The following ERG variants were observed in gnomAD, a reference collection of about 807,000 sequenced individuals.
ERG encodes the protein transcriptional regulator ERG.
A neutral mutation model predicts 55.3 loss-of-function variants in ERG; 9 were observed. That is an observed-to-expected ratio of 0.16 (90% confidence interval 0.10 to 0.28). ERG has a LOEUF of 0.28. ERG is among the 10% of genes least tolerant of loss of function. The probability of loss-of-function intolerance (pLI) is 1.00; values close to 1 mark genes in which losing one functional copy is unlikely to be tolerated. For missense variants in ERG, 434 were observed against 631.6 expected (o/e 0.69, Z 3.35); for synonymous variants, 223 against 237.3 (o/e 0.94, Z 0.55).
chr21:38,445,309 C>T, intron 2 of ERG, 95 bp downstream of exon 2: 1 of 979,126 alleles, frequency 1.0e-6, no homozygotes, highest in South Asian at 1.5e-5. Context: ...CTTTCTAAGT[C>T]AATCTTTAGA....
At position 38,381,360 on chromosome 21, in the gene ERG, T is replaced by G; in HGVS notation, c.*2043A>C. On this transcript the variant is annotated 3_prime_UTR_variant, in exon 10 of 10. Transcript: ENST00000288319. ...GGACCAAGGTTGGCAGCATTTGTGA[T>G]TCAAAGAAAAGATGCCCAGGGAAAC... The G allele has an allele frequency of 9.4e-7, 1 of 1,063,820 alleles. No individual in the cohort carries two copies. Among genetic ancestry groups the G allele is most frequent in the South Asian group, 4.6e-5 (1 of 21,966 alleles). 65.9% of individuals were successfully genotyped at this position (1,063,820 alleles called of 1,614,324 possible).
At chr21:38,590,903 C>T (rs1285268436) in intron 1 of ERG, among the ~76,000 whole-genome samples, 2 of 152,228 alleles carry the variant, frequency 1.3e-5, no homozygotes, top group Admixed American at 6.5e-5. Context: ...TTGAGCATGA[C>T]AATCAGCTGG....
intron 1 of ERG, among the ~76,000 whole-genome samples, chr21:38,611,778 G>A (rs1177055185): frequency 1.3e-5 from 2 of 152,086 alleles, no homozygotes; most frequent in Non-Finnish European, 1.5e-5. Context: ...TTGGCTCCCC[G>A]CTGCATCCTC....
At chr21:38,496,494 T>G (rs2059380658) in intron 1 of ERG, among the ~76,000 whole-genome samples, 1 of 152,130 alleles carries the variant, frequency 6.6e-6, no homozygotes, top group Admixed American at 6.5e-5. Flanking sequence ...ACCCAGGAAA[T>G]CTAACAGAAA....
intron 1 of ERG, among the ~76,000 whole-genome samples, chr21:38,650,176 G>A (rs906771389): frequency 2.0e-5 from 3 of 152,216 alleles, no homozygotes; most frequent in East Asian, 1.9e-4. Flanking sequence ...ATGCACTAGC[G>A]ATAATGAAAA....
intron 1 of ERG, among the ~76,000 whole-genome samples, chr21:38,647,946 T>C (rs2060466594): frequency 1.3e-5 from 2 of 152,234 alleles, no homozygotes; most frequent in African/African-American, 4.8e-5. Flanking sequence ...ATTATGTTTA[T>C]TTAAAACAGC....
intron 1 of ERG, among the ~76,000 whole-genome samples, chr21:38,478,630 T>C (rs980055605): frequency 1.3e-5 from 2 of 152,222 alleles, no homozygotes; most frequent in Non-Finnish European, 2.9e-5. Context: ...AGAGCCCTCA[T>C]GGTCAGTGAT....
intron 1 of ERG, among the ~76,000 whole-genome samples, chr21:38,590,957 T>G (rs946436068): frequency 3.3e-5 from 5 of 152,222 alleles, no homozygotes; most frequent in Non-Finnish European, 7.3e-5. Flanking sequence ...TCCTCTTTTT[T>G]CTTTATTGGA....
intron 1 of ERG, among the ~76,000 whole-genome samples, chr21:38,611,242 T>A (rs2060225272): frequency 6.6e-6 from 1 of 152,200 alleles, no homozygotes; most frequent in Non-Finnish European, 1.5e-5. Flanking sequence ...TAGCTTCCCA[T>A]GTTCCCTGCT....
chr21:38,545,239 A>T (rs2836501), intron 2 of ERG, among the ~76,000 whole-genome samples: 76,824 of 151,962 alleles, frequency 0.51, 20,710 homozygotes, highest in Non-Finnish European at 0.62. Context: ...TGTTTTCTAT[A>T]TACTTTTTTA....
At position 38,418,950 on chromosome 21, in the gene ERG, AGAAAG is replaced by A. The variant is rs1483064288; in HGVS notation, c.388+4455_388+4459del. ...CTCAAAAAAAAAAAAAAAAAAAAAAAGAAAGAAAGAAAAAGAAAAACACTTTCTAG... is the reference window on the plus strand; with the variant it reads ...CTCAAAAAAAAAAAAAAAAAAAAAAAAAAGAAAAAGAAAAACACTTTCTAG... On this transcript the variant is annotated intron_variant, in intron 3 of 9. Transcript: ENST00000288319. Among the ~76,000 whole-genome samples, 984 of 132,148 alleles carry A rather than the reference AGAAAG, an allele frequency of 7.4e-3. 4 individuals carry two copies. Among genetic ancestry groups the A allele is most frequent in the Non-Finnish European group, 0.012 (735 of 62,118 alleles). The allele number at this position is 132,148 out of a possible 152,430, so 86.7% of individuals were successfully genotyped here. A position where few individuals can be genotyped will look rare whatever the true frequency, so the allele number is the denominator to read the frequency against.
At chr21:38,510,360 C>T (rs1293092141) in intron 2 of ERG, among the ~76,000 whole-genome samples, 3 of 152,172 alleles carry the variant, frequency 2.0e-5, no homozygotes, top group African/African-American at 4.8e-5. Flanking sequence ...AGCATTAATG[C>T]GTCTCACACG....
At position 38,560,204 on chromosome 21, in the gene ERG, A is replaced by G. The variant is rs539619118; in HGVS notation, c.-41+15458T>C. On this transcript the variant is annotated intron_variant, in intron 2 of 8. Transcript: ENST00000398897. ...AACAAAAAAGGACAAGGAGGGTGACAATGTCAAGCAAATGATAACCCTGCT... is the reference window on the plus strand; with the variant it reads ...AACAAAAAAGGACAAGGAGGGTGACGATGTCAAGCAAATGATAACCCTGCT... 5.9e-5 allele frequency among the ~76,000 whole-genome samples: 9 copies of G among 152,352 alleles called. No individual in the cohort carries two copies. In the East Asian group the frequency reaches 1.7e-3, roughly 29 times the overall value.
intron 3 of ERG, among the ~76,000 whole-genome samples, chr21:38,417,851 G>T (rs1423050560): frequency 6.6e-6 from 1 of 152,022 alleles, no homozygotes; most frequent in Admixed American, 6.6e-5. Flanking sequence ...CTTTCAAAAT[G>T]CTATAAGCTG....
chr21:38,562,693 C>T (rs1024224350), intron 2 of ERG, among the ~76,000 whole-genome samples: 1 of 152,178 alleles, frequency 6.6e-6, no homozygotes, highest in African/African-American at 2.4e-5. Flanking sequence ...AGGAGCAACA[C>T]AGTTTCTAGC....
intron 2 of ERG, among the ~76,000 whole-genome samples, chr21:38,445,099 C>T (rs188816894): frequency 6.6e-4 from 100 of 151,920 alleles, no homozygotes; most frequent in African/African-American, 2.3e-3. Flanking sequence ...CGCTGTCCAA[C>T]GTCACCGTTC....
At chr21:38,520,347 T>C (rs545401251) in intron 2 of ERG, among the ~76,000 whole-genome samples, 1 of 152,188 alleles carries the variant, frequency 6.6e-6, no homozygotes, top group African/African-American at 2.4e-5. Context: ...TCCAGAGAAG[T>C]AGCCCTCTAG....
intron 3 of ERG, among the ~76,000 whole-genome samples, chr21:38,407,215 T>C (rs1372042710): frequency 6.6e-6 from 1 of 152,210 alleles, no homozygotes; most frequent in Non-Finnish European, 1.5e-5. Context: ...TAGTGTTGTT[T>C]ATAATAGCAA....
chr21:38,469,453 G>A (rs1396068294), intron 1 of ERG, among the ~76,000 whole-genome samples: 1 of 152,132 alleles, frequency 6.6e-6, no homozygotes, highest in Non-Finnish European at 1.5e-5. Context: ...CATGGGCTGG[G>A]CTCTAGTGCT....
Sources: allele counts gnomAD v4.1 joint callset (sites outside exome capture counted in the v4.1 genomes callset), GRCh38; gene constraint gnomAD v4.1.1; transcripts MANE v1.5; gene names NCBI Gene and HGNC (gene_info 2026-07-23, HGNC 2026-07-21).